The following LRRC4C variants were observed in gnomAD, a reference collection of about 807,000 sequenced individuals.
LRRC4C encodes leucine-rich repeat-containing protein 4C.
Under a neutral mutation model 33.6 loss-of-function variants are expected in LRRC4C, and 5 were observed. That is an observed-to-expected ratio of 0.15 (90% CI 0.08 to 0.31). LRRC4C has a LOEUF of 0.31. LRRC4C is among the 10% of genes least tolerant of loss of function. LRRC4C has a pLI of 1.00. For missense variants in LRRC4C, 560 were observed against 796.7 expected (o/e 0.70, Z 3.58); for synonymous variants, 329 against 302.0 (o/e 1.09, Z -0.93).
chr11:41,168,675 C>G (rs1039744043), intron 1 of LRRC4C, among the ~76,000 whole-genome samples: 4 of 152,146 alleles, frequency 2.6e-5, no homozygotes, highest in African/African-American at 9.7e-5. Context: ...AATTATACAT[C>G]TAAGCTGTTT....
intron 5 of LRRC4C, among the ~76,000 whole-genome samples, chr11:40,206,416 T>A (rs913277983): frequency 4.6e-5 from 7 of 151,838 alleles, no homozygotes; most frequent in Non-Finnish European, 8.8e-5. Flanking sequence ...TTGTATTTTT[T>A]TTTTTAGTAG....
chr11:40,838,289 C>A (rs1209309885), intron 2 of LRRC4C, among the ~76,000 whole-genome samples: 2 of 152,182 alleles, frequency 1.3e-5, no homozygotes, highest in South Asian at 2.1e-4. Flanking sequence ...CTAATTGAAA[C>A]AACTGTTGAA....
chr11:41,210,555 A>C (rs1946781573), intron 1 of LRRC4C, among the ~76,000 whole-genome samples: 1 of 152,166 alleles, frequency 6.6e-6, no homozygotes, highest in Non-Finnish European at 1.5e-5. Context: ...CAACAGCATG[A>C]AAATGGACTA....
At chr11:40,341,707 T>C (rs1946876084) in intron 3 of LRRC4C, among the ~76,000 whole-genome samples, 1 of 152,208 alleles carries the variant, frequency 6.6e-6, no homozygotes, top group Non-Finnish European at 1.5e-5. Context: ...TTCAAATTGA[T>C]ATTAATTTCT....
At chr11:40,783,484 T>G (rs919357488) in intron 2 of LRRC4C, among the ~76,000 whole-genome samples, 1 of 151,770 alleles carries the variant, frequency 6.6e-6, no homozygotes. Flanking sequence ...TTTATTTTTA[T>G]TTTTAGTAGA....
chr11:40,583,598 A>G (rs562794716), intron 3 of LRRC4C, among the ~76,000 whole-genome samples: 6 of 152,028 alleles, frequency 3.9e-5, no homozygotes, highest in Admixed American at 1.3e-4. Flanking sequence ...CCCCAACTCA[A>G]TATCATCCTT....
chr11:40,492,045 C>T (rs1201102867), intron 3 of LRRC4C, among the ~76,000 whole-genome samples: 1 of 152,152 alleles, frequency 6.6e-6, no homozygotes, highest in African/African-American at 2.4e-5. Context: ...GCACATACAC[C>T]TAATTTTTCT....
chr11:40,745,500 G>A (rs911480944), intron 2 of LRRC4C, among the ~76,000 whole-genome samples: 1 of 152,076 alleles, frequency 6.6e-6, no homozygotes, highest in Non-Finnish European at 1.5e-5. Flanking sequence ...ATAGTAATAA[G>A]GGCTAGATTT....
chr11:41,033,769 T>C (rs1469609063), intron 1 of LRRC4C, among the ~76,000 whole-genome samples: 1 of 152,096 alleles, frequency 6.6e-6, no homozygotes, highest in Non-Finnish European at 1.5e-5. Flanking sequence ...TTAAAGATAA[T>C]GTGTAAATAC....
chr11:40,372,494 C>A (rs575907684), intron 3 of LRRC4C, among the ~76,000 whole-genome samples: 2 of 152,256 alleles, frequency 1.3e-5, no homozygotes, highest in Admixed American at 1.3e-4. Context: ...TCAGATAATC[C>A]AGGATAATCT....
rs12274048 is a variant in LRRC4C at position 41,181,488 on chromosome 11, T to A, written c.-495-247765A>T. 5.4e-3 allele frequency among the ~76,000 whole-genome samples: 826 copies of A among 152,278 alleles called. 5 individuals carry two copies. Among genetic ancestry groups the A allele is most frequent in the African/African-American group, 0.018 (751 of 41,550 alleles). The stretch of plus-strand genomic sequence containing the variant: ...CCTACACTCAAGAACTAACTGCTGT[T>A]ATATAGGATCCCCAAGCTCTGCTGA... On this transcript the variant is annotated intron_variant, in intron 1 of 6. Transcript: ENST00000528697.
chr11:40,257,492 C>T (rs561027333), intron 4 of LRRC4C, among the ~76,000 whole-genome samples: 194 of 152,188 alleles, frequency 1.3e-3, no homozygotes, highest in African/African-American at 4.3e-3. Flanking sequence ...CAGGTGTCTT[C>T]CCTCCTCCAT....
intron 1 of LRRC4C, among the ~76,000 whole-genome samples, chr11:41,009,987 G>A (rs1855056662): frequency 6.6e-6 from 1 of 152,080 alleles, no homozygotes; most frequent in African/African-American, 2.4e-5. Flanking sequence ...AGACAGAAAT[G>A]CAAAGAGGCA....
chr11:40,630,330 C>CTTCT (rs1963347629), intron 3 of LRRC4C, among the ~76,000 whole-genome samples: 42 of 135,536 alleles, frequency 3.1e-4, no homozygotes, highest in African/African-American at 1.0e-3. Flanking sequence ...TTTCTTCTTC[C>CTTCT]TCTTCTTCTT....
intron 1 of LRRC4C, among the ~76,000 whole-genome samples, chr11:41,321,934 A>T (rs1250605299): frequency 1.3e-5 from 2 of 151,890 alleles, no homozygotes; most frequent in Non-Finnish European, 2.9e-5. Context: ...GCGTGATCTC[A>T]GTTCACTGCA....
At chr11:40,725,268 A>T in intron 2 of LRRC4C, among the ~76,000 whole-genome samples, 1 of 152,166 alleles carries the variant, frequency 6.6e-6, no homozygotes, top group Non-Finnish European at 1.5e-5. Flanking sequence ...GCATTCTGGG[A>T]GGCCGAGGCA....
chr11:40,982,874 C>T (rs1393683477), intron 1 of LRRC4C, among the ~76,000 whole-genome samples: 1 of 152,092 alleles, frequency 6.6e-6, no homozygotes, highest in Non-Finnish European at 1.5e-5. Context: ...CTCTATATGT[C>T]TATGTGTTCT....
intron 1 of LRRC4C, among the ~76,000 whole-genome samples, chr11:41,452,950 T>G (rs1479166684): frequency 1.3e-5 from 2 of 152,106 alleles, no homozygotes; most frequent in Non-Finnish European, 2.9e-5. Context: ...ATGAGATACC[T>G]TTTACTGAGT....
chr11:40,946,791 G>A (rs1260808610), intron 1 of LRRC4C, among the ~76,000 whole-genome samples: 1 of 152,090 alleles, frequency 6.6e-6, no homozygotes, highest in Non-Finnish European at 1.5e-5. Flanking sequence ...ACAGAGCACT[G>A]CATCCATCAA....
Sources: gnomAD v4.1 joint callset for allele counts (sites outside exome capture counted in the v4.1 genomes callset) on GRCh38, gnomAD v4.1.1 for gene constraint, MANE v1.5 for transcripts, NCBI Gene and HGNC (gene_info 2026-07-23, HGNC 2026-07-21) for gene names.